Variants in GCNT1 observed in about 807,000 individuals in gnomAD.
The protein encoded by GCNT1 is beta-1,3-galactosyl-O-glycosyl-glycoprotein beta-1,6-N-acetylglucosaminyltransferase.
In GCNT1, 16 loss-of-function variants were observed where a neutral mutation model predicts 26.2. That is an observed-to-expected ratio of 0.61 (90% confidence interval 0.41 to 0.93). The LOEUF is 0.93. Ranked by LOEUF, GCNT1 falls within the 40% of genes least tolerant of loss-of-function variation. The probability of loss-of-function intolerance (pLI) is 0.00; values close to 1 mark genes in which losing one functional copy is unlikely to be tolerated. For synonymous variants in GCNT1, 183 were observed against 190.8 expected, an observed-to-expected ratio of 0.96 and a Z score of 0.34; for missense variants, 477 against 526.7, an observed-to-expected ratio of 0.91 and a Z score of 0.92.
At chr9:76,430,895 AG>A (rs1184772252) in intron 1 of GCNT1, among the ~76,000 whole-genome samples, 2 of 152,154 alleles carry the variant, frequency 1.3e-5, no homozygotes, top group Non-Finnish European at 2.9e-5. Context: ...CATGTTGGCC[AG>A]GCTGGTCTCG....
chr9:76,470,916 TG>T (rs1824118087), intron 2 of GCNT1, among the ~76,000 whole-genome samples: 1 of 152,218 alleles, frequency 6.6e-6, no homozygotes, highest in Non-Finnish European at 1.5e-5. Flanking sequence ...TCCCAGACTT[TG>T]GGGCCCGCCA....
intron 2 of GCNT1, among the ~76,000 whole-genome samples, chr9:76,483,010 A>G (rs1219046845): frequency 6.6e-6 from 1 of 152,028 alleles, no homozygotes; most frequent in Non-Finnish European, 1.5e-5. Flanking sequence ...GTTAATATGT[A>G]AACAGTATAA....
At chr9:76,485,486 C>G (rs935552337) in intron 2 of GCNT1, among the ~76,000 whole-genome samples, 9 of 152,056 alleles carry the variant, frequency 5.9e-5, no homozygotes, top group Non-Finnish European at 1.0e-4. Flanking sequence ...TGCACCTGGC[C>G]TGCATTTTAC....
chr9:76,480,977 G>A (rs1356804869), intron 2 of GCNT1, among the ~76,000 whole-genome samples: 3 of 151,918 alleles, frequency 2.0e-5, no homozygotes, highest in Non-Finnish European at 4.4e-5. Context: ...GGTGTCTCAC[G>A]CCTGTAATCC....
chr9:76,480,381 A>G (rs1018085485), intron 2 of GCNT1, among the ~76,000 whole-genome samples: 6 of 152,080 alleles, frequency 3.9e-5, no homozygotes, highest in Non-Finnish European at 5.9e-5. Context: ...GTTTTTTCCA[A>G]TTCTGTGAAA....
intron 1 of GCNT1, among the ~76,000 whole-genome samples, chr9:76,427,503 G>T (rs1823273710): frequency 6.6e-6 from 1 of 151,724 alleles, no homozygotes; most frequent in East Asian, 1.9e-4. Flanking sequence ...TTCTGACAGG[G>T]GTATAAATTG....
chr9:76,484,218 C>A (rs538756253), intron 2 of GCNT1, among the ~76,000 whole-genome samples: 120 of 152,136 alleles, frequency 7.9e-4, no homozygotes, highest in African/African-American at 2.7e-3. Flanking sequence ...CATAGTGAGA[C>A]CCTATCTCTA....
chr9:76,459,213 G>A lies in GCNT1; in HGVS notation c.-500G>A, dbSNP rs1180492397. ...GTGTGAGGGCTGCAGGCGCAGCTCC[G>A]GAGCGCCTAGAGCGCGGCGCGGGGC... is the stretch of plus-strand genomic sequence containing the variant. On this transcript the variant is annotated 5_prime_UTR_variant, in exon 1 of 4. Transcript: ENST00000376730. 6.6e-6 allele frequency: 1 copy of A among 152,550 alleles called. No homozygotes were observed. Among genetic ancestry groups the A allele is most frequent in the Non-Finnish European group, 1.5e-5 (1 of 68,302 alleles). The allele number at this position is 152,550 out of a possible 1,614,324, so 9.4% of individuals were successfully genotyped here.
chr9:76,472,744 CTTTTCTTTTTTT>C (rs1481997354), intron 2 of GCNT1, among the ~76,000 whole-genome samples: 6 of 122,214 alleles, frequency 4.9e-5, no homozygotes, highest in Non-Finnish European at 8.2e-5. Flanking sequence ...CTTTTCTTTT[CTTTTCTTTTTTT>C]TTTTTTTTTT....
chr9:76,399,868 A>C, the GCNT1 span, among the ~76,000 whole-genome samples: 3 of 152,222 alleles, frequency 2.0e-5, no homozygotes, highest in Non-Finnish European at 4.4e-5. Context: ...GCTGTTGTAT[A>C]TCCATATAAT....
chr9:76,396,208 G>T, the GCNT1 span, among the ~76,000 whole-genome samples: 1 of 152,128 alleles, frequency 6.6e-6, no homozygotes, highest in East Asian at 1.9e-4. Flanking sequence ...GAGGAGGGGT[G>T]GTTTTAAGAA....
the GCNT1 span, among the ~76,000 whole-genome samples, chr9:76,405,330 A>G: frequency 1.3e-5 from 2 of 148,742 alleles, no homozygotes; most frequent in African/African-American, 5.0e-5. Context: ...CTTCCTCACT[A>G]TAGACATCCT....
Position 76,501,071 on chromosome 9 carries a change from C to T in GCNT1, c.-144+10C>T. The T allele has an allele frequency of 6.6e-6, 1 of 152,110 alleles. No homozygotes were observed. The highest frequency in any genetic ancestry group is 1.9e-4 in the East Asian group (1 of 5,196). 9.4% of individuals were successfully genotyped at this position (152,110 alleles called of 1,614,324 possible). A position where few individuals can be genotyped will look rare whatever the true frequency, so the allele number is the denominator to read the frequency against. ...TCCTTACTTTTAAATGGTAAAAAGT[C>T]TAAATACTTTTCTTAACATTATTTT... On this transcript the variant is annotated intron_variant, in intron 3 of 3. Coordinates refer to ENST00000376730, the MANE Select transcript of GCNT1 (RefSeq NM_001490.5).
chr9:76,440,490 T>G (rs1823470078), upstream of GCNT1, among the ~76,000 whole-genome samples: 1 of 152,234 alleles, frequency 6.6e-6, no homozygotes, highest in Non-Finnish European at 1.5e-5. Context: ...GTTTCCAGTG[T>G]GTCCTCATCA....
At chr9:76,486,079 C>T (rs1351072374) in intron 2 of GCNT1, among the ~76,000 whole-genome samples, 1 of 152,180 alleles carries the variant, frequency 6.6e-6, no homozygotes, top group African/African-American at 2.4e-5. Flanking sequence ...ACTTGGGGGC[C>T]AGATTATGTG....
At chr9:76,495,511 T>G (rs1824882889) in intron 2 of GCNT1, among the ~76,000 whole-genome samples, 1 of 152,216 alleles carries the variant, frequency 6.6e-6, no homozygotes. Context: ...CCAGCTTTTA[T>G]TCCCTTATTT....
chr9:76,485,113 T>G (rs1231537536), intron 2 of GCNT1, among the ~76,000 whole-genome samples: 1 of 152,154 alleles, frequency 6.6e-6, no homozygotes, highest in Non-Finnish European at 1.5e-5. Flanking sequence ...TACATACTTG[T>G]TGGCATATTT....
intron 2 of GCNT1, among the ~76,000 whole-genome samples, chr9:76,473,608 A>G (rs1824188185): frequency 6.6e-6 from 1 of 152,192 alleles, no homozygotes. Context: ...ATATATGATA[A>G]TTTCCCCAAT....
At position 76,505,838 on chromosome 9, in the gene GCNT1, T is replaced by G. The variant is rs1825222408; in HGVS notation, c.*2170T>G. 6.0e-6 allele frequency: 1 copy of G among 166,068 alleles called. No homozygotes were observed. The highest frequency in any genetic ancestry group is 2.4e-5 in the African/African-American group (1 of 41,462). 10.3% of individuals were successfully genotyped at this position (166,068 alleles called of 1,614,324 possible). A position where few individuals can be genotyped will look rare whatever the true frequency, so the allele number is the denominator to read the frequency against. On this transcript the variant is annotated 3_prime_UTR_variant, in exon 4 of 4. Coordinates refer to ENST00000376730, the MANE Select transcript of GCNT1 (RefSeq NM_001490.5). ...TAAATTGGCAGGTTTTGAGGGATTT[T>G]TTTCTTCATCATAAATGTAAACATA...
Sources: allele counts gnomAD v4.1 joint callset (sites outside exome capture counted in the v4.1 genomes callset), GRCh38; gene constraint gnomAD v4.1.1; transcripts MANE v1.5; gene names NCBI Gene and HGNC (gene_info 2026-07-23, HGNC 2026-07-21).